The following UTRN variants were observed in gnomAD, a reference collection of about 807,000 sequenced individuals.
UTRN encodes dystrophin-related protein 1.
In UTRN, 283 loss-of-function variants were observed where a neutral mutation model predicts 463.9. The observed-to-expected ratio is 0.61, with a 90% CI of 0.55 to 0.67. The LOEUF (loss-of-function observed/expected upper bound fraction) is 0.67. UTRN is among the 30% of genes least tolerant of loss of function. The pLI, the probability that UTRN is intolerant of heterozygous loss-of-function variation, is 0.00. For missense variants in UTRN, 3,922 were observed against 4,084.3 expected (o/e 0.96, Z 1.08); for synonymous variants, 1,442 against 1,431.5 (o/e 1.01, Z -0.17).
At chr6:144,610,739 G>A (rs763390559) in intron 51 of UTRN, among the ~76,000 whole-genome samples, 25 of 152,162 alleles carry the variant, frequency 1.6e-4, no homozygotes, top group Admixed American at 5.9e-4. Context: ...GCCGGGCGTG[G>A]TGGCACTTGC....
intron 51 of UTRN, among the ~76,000 whole-genome samples, chr6:144,659,098 A>G (rs1190611581): frequency 6.6e-6 from 1 of 152,222 alleles, no homozygotes; most frequent in South Asian, 2.1e-4. Context: ...AAAATTAATC[A>G]ACGCGTATTT....
intron 53 of UTRN, among the ~76,000 whole-genome samples, chr6:144,728,167 A>G (rs180996977): frequency 1.3e-5 from 2 of 151,856 alleles, no homozygotes; most frequent in Admixed American, 1.3e-4. Context: ...GATTTTGGAA[A>G]TATCTTGACC....
chr6:144,329,082 GC>G (rs1468453129), intron 2 of UTRN, among the ~76,000 whole-genome samples: 12 of 142,726 alleles, frequency 8.4e-5, no homozygotes. Context: ...ACCGCACCTG[GC>G]CTTTTTTTTT....
At chr6:144,730,151 T>C (rs1586259858) in intron 53 of UTRN, among the ~76,000 whole-genome samples, 2 of 152,372 alleles carry the variant, frequency 1.3e-5, no homozygotes, top group Admixed American at 1.3e-4. Flanking sequence ...TTTGTATACT[T>C]AACGTTTACA....
chr6:144,830,529 A>G (rs965548624), intron 69 of UTRN, among the ~76,000 whole-genome samples: 1 of 152,002 alleles, frequency 6.6e-6, no homozygotes, highest in East Asian at 1.9e-4. Context: ...AATTCTCAAA[A>G]CTCATCACAC....
chr6:144,678,537 C>G lies in UTRN; in HGVS notation c.7611C>G (p.Asn2537Lys), dbSNP rs369308247. 5.0e-6 allele frequency: 8 copies of G among 1,611,484 alleles called. No homozygotes were observed. The highest frequency in any genetic ancestry group is 1.7e-5 in the Admixed American group (1 of 59,806). Reference protein sequence around the residue: ...TMLQHRLDDMNQRWNDLKAKS... With the variant: ...TMLQHRLDDMKQRWNDLKAKS... ...TTCAACATCGACTGGATGATATGAA[C>G]CAAAGATGGAATGACTTAAAAGCAA... is the stretch of plus-strand genomic sequence containing the variant. Residue 2537 changes from asparagine to lysine, a missense_variant, in exon 52 of 75, where the codon AAC becomes AAG. Coordinates refer to ENST00000367545, the MANE Select transcript of UTRN (RefSeq NM_007124.3).
At chr6:144,559,162 A>G (rs1364470440) in intron 50 of UTRN, among the ~76,000 whole-genome samples, 1 of 151,488 alleles carries the variant, frequency 6.6e-6, no homozygotes, top group Admixed American at 6.6e-5. Flanking sequence ...CTACAGCAGT[A>G]GTTGGATTAG....
chr6:144,462,500 T>C (rs538911401), intron 22 of UTRN, among the ~76,000 whole-genome samples, 154 bp from the exon 23 acceptor site: 2 of 152,348 alleles, frequency 1.3e-5, no homozygotes, highest in African/African-American at 2.4e-5. Context: ...TCCACAGTGG[T>C]TGAACTAATT....
intron 55 of UTRN, among the ~76,000 whole-genome samples, chr6:144,751,097 A>G (rs986986973): frequency 1.3e-5 from 2 of 152,188 alleles, no homozygotes; most frequent in Non-Finnish European, 2.9e-5. Flanking sequence ...TGTTGTTTCT[A>G]CTGGCCACTT....
intron 58 of UTRN, among the ~76,000 whole-genome samples, chr6:144,768,338 A>G (rs185673488): frequency 6.6e-6 from 1 of 152,268 alleles, no homozygotes; most frequent in Admixed American, 6.5e-5. Context: ...CAGAGATTAT[A>G]TGTTATCCCA....
intron 53 of UTRN, among the ~76,000 whole-genome samples, chr6:144,712,788 G>A (rs1309041541): frequency 2.0e-5 from 3 of 152,192 alleles, no homozygotes; most frequent in Admixed American, 1.3e-4. Context: ...TGGGAAGATT[G>A]GGAAAGGCTC....
chr6:144,328,815 ACT>A (rs1776146135), intron 2 of UTRN, among the ~76,000 whole-genome samples: 1 of 151,384 alleles, frequency 6.6e-6, no homozygotes, highest in Non-Finnish European at 1.5e-5. Context: ...ACAAAGTCTC[ACT>A]CTGTTGCCCA....
chr6:144,651,735 T>C (rs1442359144), intron 51 of UTRN, among the ~76,000 whole-genome samples: 2 of 152,248 alleles, frequency 1.3e-5, no homozygotes, highest in African/African-American at 4.8e-5. Context: ...GTCTTTTCTA[T>C]ACCAATGTGT....
chr6:144,677,482 A>C (rs1266734080), intron 51 of UTRN, among the ~76,000 whole-genome samples: 1 of 152,140 alleles, frequency 6.6e-6, no homozygotes, highest in Non-Finnish European at 1.5e-5. Flanking sequence ...TCCATGGTGT[A>C]TATGTGCCAC....
intron 2 of UTRN, chr6:144,344,394 A>T: frequency 1.6e-6 from 2 of 1,280,220 alleles, no homozygotes; most frequent in Non-Finnish European, 2.1e-6. Flanking sequence ...AGTTTTGTTA[A>T]GTAACAAAGC....
rs139333147 is a variant in UTRN at position 144,297,733 on chromosome 6, G to C, written c.79+5826G>C. Among the ~76,000 whole-genome samples, 3 of 152,294 alleles carry C rather than the reference G, an allele frequency of 2.0e-5. No homozygotes were observed. The East Asian group carries it at 5.8e-4, about 29-fold the overall frequency. On this transcript the variant is annotated intron_variant, in intron 2 of 74. Transcript: ENST00000367545. ...CAGCTATTCTTGTCCTGCTTGTAAA[G>C]ATATTCTCCATGTTGTTACCTCATT... is the stretch of plus-strand genomic sequence containing the variant.
At chr6:144,347,850 G>GTTTTTTTGTTTT (rs1777736162) in intron 2 of UTRN, among the ~76,000 whole-genome samples, 1 of 128,600 alleles carries the variant, frequency 7.8e-6, no homozygotes, top group African/African-American at 3.4e-5. Flanking sequence ...TTTTTTTTTT[G>GTTTTTTTGTTTT]TTTTTTTTTT....
intron 34 of UTRN, among the ~76,000 whole-genome samples, chr6:144,502,524 C>T (rs1044809724): frequency 1.6e-4 from 25 of 152,004 alleles, no homozygotes; most frequent in Admixed American, 4.6e-4. Context: ...GTTTTCTGTT[C>T]CTGTGTTAGT....
Position 144,314,135 on chromosome 6 carries a change from C to T in UTRN, c.79+22228C>T, listed in dbSNP as rs1263833757. 7.2e-5 allele frequency among the ~76,000 whole-genome samples: 11 copies of T among 151,900 alleles called. 1 individual carries two copies. The East Asian group carries it at 2.1e-3, about 29-fold the overall frequency. ...AGAGAAAAAACAACCTTTGAGTGGC[C>T]CTTGTGATTAAATGGCAGTTTGCCC... is the stretch of plus-strand genomic sequence containing the variant. On this transcript the variant is annotated intron_variant, in intron 2 of 74. Transcript: ENST00000367545.
Sources: allele counts gnomAD v4.1 joint callset (sites outside exome capture counted in the v4.1 genomes callset), GRCh38; gene constraint gnomAD v4.1.1; transcripts MANE v1.5; gene names NCBI Gene and HGNC (gene_info 2026-07-23, HGNC 2026-07-21).